The following AMPD1 variants were observed in gnomAD, a reference collection of about 807,000 sequenced individuals.
AMPD1 encodes AMP deaminase 1.
In AMPD1, 74 loss-of-function variants were observed where a neutral mutation model predicts 82.9. The observed-to-expected ratio is 0.89, with a 90% CI of 0.74 to 1.08. The LOEUF is 1.08. Ranked by LOEUF, AMPD1 falls within the 50% of genes least tolerant of loss-of-function variation. The probability of loss-of-function intolerance (pLI) is 0.00; values close to 1 mark genes in which losing one functional copy is unlikely to be tolerated. For synonymous variants in AMPD1, 333 were observed against 320.5 expected, an observed-to-expected ratio of 1.04 and a Z score of -0.42; for missense variants, 881 against 924.5, an observed-to-expected ratio of 0.95 and a Z score of 0.61.
At chr1:114,690,340 A>G (rs1473970399) in intron 2 of AMPD1, among the ~76,000 whole-genome samples, 1 of 152,208 alleles carries the variant, frequency 6.6e-6, no homozygotes, top group Non-Finnish European at 1.5e-5. Context: ...TGAATGATGT[A>G]ATGTGTAGCA....
intron 7 of AMPD1, 149 bp downstream of exon 7, chr1:114,679,430 G>C: frequency 8.6e-7 from 1 of 1,169,002 alleles, no homozygotes; most frequent in Non-Finnish European, 1.2e-6. Flanking sequence ...CTAACCCATT[G>C]GACATAATCT....
Position 114,675,512 on chromosome 1 carries a change from C to T in AMPD1, c.1679+18G>A, listed in dbSNP as rs1181694553. ...TGTGTCAAATAGACCCTCCTAGCTC[C>T]AGCTGTCTCCTACTTACTTTCTCAG... On this transcript the variant is annotated intron_variant, in intron 12 of 15. Transcript: ENST00000520113. 2 of 1,613,140 alleles carry T rather than the reference C, an allele frequency of 1.2e-6. No individual in the cohort carries two copies. Among genetic ancestry groups the T allele is most frequent in the South Asian group, 1.1e-5 (1 of 91,062 alleles).
At position 114,676,182 on chromosome 1, in the gene AMPD1, C is replaced by A. The variant is rs2101712439; in HGVS notation, c.1389-179G>T. On this transcript the variant is annotated intron_variant, in intron 10 of 15. Coordinates refer to ENST00000520113, the MANE Select transcript of AMPD1 (RefSeq NM_000036.3). ...CCTATAGAGAGGGATTCAGTTTGGGCAGCACATAGGAAATAAAAATTTTTT... is the reference window on the plus strand; with the variant it reads ...CCTATAGAGAGGGATTCAGTTTGGGAAGCACATAGGAAATAAAAATTTTTT... 6.8e-6 allele frequency: 5 copies of A among 731,480 alleles called. 1 individual carries two copies. The South Asian group carries it at 7.2e-5, about 11-fold the overall frequency. 45.3% of individuals were successfully genotyped at this position (731,480 alleles called of 1,614,324 possible). A position where few individuals can be genotyped will look rare whatever the true frequency, so the allele number is the denominator to read the frequency against.
At position 114,684,763 on chromosome 1, in the gene AMPD1, T is replaced by C. The variant is rs577770701; in HGVS notation, c.382-399A>G. 2.1e-4 allele frequency among the ~76,000 whole-genome samples: 32 copies of C among 152,328 alleles called. 1 individual carries two copies. Among genetic ancestry groups the C allele is most frequent in the African/African-American group, 6.5e-4 (27 of 41,574 alleles). ...AGACAATACCTCAACTGAAAGACCA[T>C]GTGACTCAAATTGTGAGAATTCAAA... On this transcript the variant is annotated intron_variant, in intron 4 of 15. Transcript: ENST00000520113.
intron 8 of AMPD1, 78 bp downstream of exon 8, chr1:114,678,255 A>T: frequency 6.4e-7 from 1 of 1,554,036 alleles, no homozygotes; most frequent in Non-Finnish European, 8.9e-7. Flanking sequence ...GAGACCTCTG[A>T]GAAGGGAGGG....
intron 7 of AMPD1, 107 bp downstream of exon 7, chr1:114,679,472 T>TACAG: frequency 6.8e-7 from 1 of 1,475,702 alleles, no homozygotes; most frequent in Non-Finnish European, 9.4e-7. Flanking sequence ...CCACTGAACC[T>TACAG]GTAGAAATCT....
Position 114,693,117 on chromosome 1 carries a change from AAAATAAATAAAT to A in AMPD1, c.34+307_34+318del, listed in dbSNP as rs10601370. Among the ~76,000 whole-genome samples the A allele has an allele frequency of 5.6e-3, 779 of 138,212 alleles. 6 individuals are homozygous for A. Among genetic ancestry groups the A allele is most frequent in the African/African-American group, 0.014 (504 of 36,918 alleles). 90.7% of individuals were successfully genotyped at this position (138,212 alleles called of 152,430 possible). A position where few individuals can be genotyped will look rare whatever the true frequency, so the allele number is the denominator to read the frequency against. ...TCCATCCTGGGTGACCATCCATCTC[AAAATAAATAAAT>A]AAATAAATAAATAAATAAATAAATA... On this transcript the variant is annotated intron_variant, in intron 2 of 15. Transcript: ENST00000520113.
At chr1:114,684,610 T>C in intron 4 of AMPD1, 1 of 562,104 alleles carries the variant, frequency 1.8e-6, no homozygotes, top group South Asian at 2.1e-5. Context: ...TCCCTTGTAG[T>C]CCTGTATTTG....
At chr1:114,681,192 C>A (rs1432678487) in intron 5 of AMPD1, among the ~76,000 whole-genome samples, 1 of 152,132 alleles carries the variant, frequency 6.6e-6, no homozygotes, top group Non-Finnish European at 1.5e-5. Context: ...GAGTTTAGAT[C>A]TTTACCTTAT....
At chr1:114,679,439 C>G in intron 7 of AMPD1, 140 bp downstream of exon 7, 1 of 1,234,408 alleles carries the variant, frequency 8.1e-7, no homozygotes. Context: ...TGGACATAAT[C>G]TATTATCTGT....
intron 5 of AMPD1, among the ~76,000 whole-genome samples, chr1:114,682,410 A>G (rs1260007997): frequency 6.6e-6 from 1 of 152,164 alleles, no homozygotes; most frequent in African/African-American, 2.4e-5. Context: ...CTTAGGAGAA[A>G]TAAAGACAAG....
chr1:114,675,820 C>G (rs1657965337), intron 11 of AMPD1, 57 bp downstream of exon 11: 4 of 1,613,684 alleles, frequency 2.5e-6, no homozygotes, highest in Non-Finnish European at 3.4e-6. Context: ...TAGTCATGAC[C>G]AGGTAGGAAG....
Position 114,674,905 on chromosome 1 carries a change from G to T in AMPD1, c.1680-33C>A, listed in dbSNP as rs770518218. The stretch of plus-strand genomic sequence containing the variant: ...AATAGAACTGCTATTGGAATCGCAG[G>T]TTCTGGGTATGGAGTGATTCACAAG... On this transcript the variant is annotated intron_variant, in intron 12 of 15. Coordinates refer to ENST00000520113, the MANE Select transcript of AMPD1 (RefSeq NM_000036.3). 12 of 1,613,786 alleles carry T rather than the reference G, an allele frequency of 7.4e-6. No individual in the cohort carries two copies. In the South Asian group the frequency reaches 1.2e-4, roughly 16 times the overall value.
In AMPD1 at chr1:114,675,664, C is replaced by G; in HGVS notation, c.1545G>C (p.Glu515Asp). Reference protein sequence around the residue: ...HITGFDSVDDESKHSGHMFSS... With the variant: ...HITGFDSVDDDSKHSGHMFSS... ...AGAACATGTGGCCACTGTGTTTGGA[C>G]TCATCATCCACACTGTCAAAGCCAG... The change falls in exon 12 of 16, where the codon GAG (glutamate) becomes GAC (aspartate). Residue 515 changes from glutamate (E) to aspartate (D), a missense_variant. By Grantham distance (45) the Glu-to-Asp change is conservative. Around this residue, in one of 2 missense-constraint regions of AMPD1, gnomAD observed 783 missense variants for 786.4 expected, o/e 1.00. Coordinates refer to ENST00000520113, the MANE Select transcript of AMPD1 (RefSeq NM_000036.3). 1.2e-6 allele frequency: 2 copies of G among 1,614,072 alleles called. No homozygotes were observed.
At chr1:114,682,680 G>A (rs984345784) in intron 5 of AMPD1, among the ~76,000 whole-genome samples, 4 of 151,516 alleles carry the variant, frequency 2.6e-5, no homozygotes, top group African/African-American at 7.3e-5. Context: ...CCGGGTTCAC[G>A]CCATTCTCCT....
Position 114,674,078 on chromosome 1 carries a change from G to C in AMPD1, c.1805C>G (p.Pro602Arg). Residue 602 changes from proline to arginine, a missense_variant, in exon 14 of 16, where the codon CCC (proline) becomes CGC (arginine). Physicochemically the swap from Pro to Arg is moderately radical, Grantham distance 103. Around this residue, in one of 2 missense-constraint regions of AMPD1, gnomAD observed 783 missense variants for 786.4 expected, o/e 1.00. Coordinates refer to ENST00000520113, the MANE Select transcript of AMPD1 (RefSeq NM_000036.3). ...ISHGLNLKKS[P>R]VLQYLFFLAQ... ...TAAGAAAAACAAGTACTGTAGCACGGGACTCTGAAAAAGAAAAGTAAAAAA... is the reference window on the plus strand; with the variant it reads ...TAAGAAAAACAAGTACTGTAGCACGCGACTCTGAAAAAGAAAAGTAAAAAA... 1 of 1,613,408 alleles carries C rather than the reference G, an allele frequency of 6.2e-7. No homozygotes were observed. The highest frequency in any genetic ancestry group is 1.7e-4 in the Middle Eastern group (1 of 6,056).
At chr1:114,674,103 A>G (rs1657913582) in intron 13 of AMPD1, 21 bp from the exon 14 acceptor site, 1 of 1,606,810 alleles carries the variant, frequency 6.2e-7, no homozygotes, top group Non-Finnish European at 8.5e-7. Context: ...AAAGTAAAAA[A>G]ATATTTAAAG....
At chr1:114,691,641 A>G (rs1160538520) in intron 2 of AMPD1, among the ~76,000 whole-genome samples, 3 of 152,062 alleles carry the variant, frequency 2.0e-5, no homozygotes, top group Admixed American at 6.6e-5. Context: ...AGATAAGTAG[A>G]TAGGCTGGGT....
Position 114,686,799 on chromosome 1 carries a change from G to T in AMPD1, c.327C>A (p.Tyr109Ter), listed in dbSNP as rs1218689519. The T allele has an allele frequency of 1.2e-6, 2 of 1,614,086 alleles. No individual in the cohort carries two copies. Among genetic ancestry groups the T allele is most frequent in the Middle Eastern group, 1.6e-4 (1 of 6,084 alleles). The change falls in exon 4 of 16, where the codon TAC becomes TAA. Residue 109 changes from tyrosine to a stop codon, truncating the protein, a stop_gained. Transcript: ENST00000520113. LOFTEE classifies it high-confidence loss of function. ...CTCTCTGAAAATCAGGCACGGTCTGGTAGGTTGGAGATGAGGAAATGTATT... is the reference window on the plus strand; with the variant it reads ...CTCTCTGAAAATCAGGCACGGTCTGTTAGGTTGGAGATGAGGAAATGTATT... ...IDEYISSSPT[Y>*]QTVPDFQRVQ... is the part of the protein sequence containing the mutation.
Sources: gnomAD v4.1 joint callset for allele counts (sites outside exome capture counted in the v4.1 genomes callset) on GRCh38, gnomAD v4.1.1 for gene constraint, gnomAD v4.1.1 regional missense constraint, MANE v1.5 for transcripts, NCBI Gene and HGNC (gene_info 2026-07-23, HGNC 2026-07-21) for gene names.